Variants in LTBP1 observed in about 807,000 individuals in gnomAD.
The protein encoded by LTBP1 is latent transforming growth factor beta binding protein 1.
Under a neutral mutation model 207.6 loss-of-function variants are expected in LTBP1, and 129 were observed. The observed-to-expected ratio is 0.62, with a 90% confidence interval of 0.54 to 0.72. The LOEUF is 0.72. LTBP1 is among the 30% of genes least tolerant of loss of function. The pLI is 0.00. For missense variants in LTBP1, 2,281 were observed against 2,217.2 expected (o/e 1.03, Z -0.58); for synonymous variants, 963 against 833.7 (o/e 1.16, Z -2.67).
chr2:33,203,102 G>T (rs1039564586), intron 7 of LTBP1, among the ~76,000 whole-genome samples: 3 of 152,124 alleles, frequency 2.0e-5, no homozygotes, highest in Non-Finnish European at 2.9e-5. Context: ...GCTGCTCTCT[G>T]TAGCCATCCG....
At chr2:33,277,340 G>A (rs1039164698) in intron 18 of LTBP1, among the ~76,000 whole-genome samples, 1 of 152,138 alleles carries the variant, frequency 6.6e-6, no homozygotes, top group African/African-American at 2.4e-5. Context: ...AAGCACAGGT[G>A]TAAAGTGTCT....
intron 29 of LTBP1, among the ~76,000 whole-genome samples, 174 bp from the exon 30 acceptor site, chr2:33,364,042 C>T (rs960865492): frequency 1.6e-4 from 25 of 152,166 alleles, no homozygotes; most frequent in African/African-American, 5.6e-4. Flanking sequence ...TCAGTCAGAG[C>T]AGCTTACATT....
intron 9 of LTBP1, among the ~76,000 whole-genome samples, chr2:33,227,368 G>A (rs1363450636): frequency 6.6e-6 from 1 of 152,180 alleles, no homozygotes; most frequent in African/African-American, 2.4e-5. Flanking sequence ...GAATTATAAT[G>A]TATGTAGTAA....
chr2:33,362,710 A>T (rs1033456226), intron 28 of LTBP1, among the ~76,000 whole-genome samples: 1 of 152,228 alleles, frequency 6.6e-6, no homozygotes, highest in African/African-American at 2.4e-5. Context: ...TAGCTCTAAA[A>T]TGCTAGAACT....
chr2:33,232,184 G>A (rs1398284961), intron 9 of LTBP1, among the ~76,000 whole-genome samples: 1 of 152,150 alleles, frequency 6.6e-6, no homozygotes, highest in African/African-American at 2.4e-5. Flanking sequence ...CATTACCTAG[G>A]GGTTGGTGGA....
chr2:33,185,618 T>C (rs1409221540), intron 5 of LTBP1, among the ~76,000 whole-genome samples: 2 of 152,046 alleles, frequency 1.3e-5, no homozygotes, highest in African/African-American at 4.8e-5. Context: ...AATGTTAAGA[T>C]GGATCAGGCA....
In LTBP1 at chr2:33,043,357, T is replaced by A. The variant is rs147629298; in HGVS notation, c.863+22151T>A. Among the ~76,000 whole-genome samples the A allele has an allele frequency of 7.2e-5, 11 of 152,272 alleles. No homozygotes were observed. The East Asian group carries it at 2.1e-3, about 29-fold the overall frequency. The stretch of plus-strand genomic sequence containing the variant: ...ATTAAAAGAACCACCTCAGATAATA[T>A]GTTCCTGATTATGTAACTATAATTA... On this transcript the variant is annotated intron_variant, in intron 3 of 33. Transcript: ENST00000404816.
intron 24 of LTBP1, among the ~76,000 whole-genome samples, chr2:33,340,328 C>T (rs1276595890): frequency 1.3e-5 from 2 of 151,400 alleles, no homozygotes; most frequent in East Asian, 1.9e-4. Context: ...GGGGATTTAT[C>T]CCAAGGAGCA....
At chr2:33,175,829 A>G (rs2148551222) in intron 5 of LTBP1, among the ~76,000 whole-genome samples, 1 of 150,712 alleles carries the variant, frequency 6.6e-6, no homozygotes, top group Non-Finnish European at 1.5e-5. Context: ...CAGCCATAAA[A>G]AAATGATGAG....
intron 25 of LTBP1, among the ~76,000 whole-genome samples, chr2:33,346,217 T>A (rs759305430): frequency 6.6e-6 from 1 of 152,180 alleles, no homozygotes; most frequent in Non-Finnish European, 1.5e-5. Flanking sequence ...TCTATAGGAG[T>A]CTTTCCTTCA....
intron 3 of LTBP1, among the ~76,000 whole-genome samples, chr2:33,043,949 G>A (rs924614904): frequency 1.3e-5 from 2 of 152,012 alleles, no homozygotes; most frequent in African/African-American, 4.8e-5. Context: ...GGAGAAGGCA[G>A]GCTGTGCCCT....
intron 31 of LTBP1, among the ~76,000 whole-genome samples, chr2:33,378,027 G>C (rs1027281506): frequency 6.6e-6 from 1 of 152,116 alleles, no homozygotes; most frequent in Non-Finnish European, 1.5e-5. Context: ...ATATCAACAA[G>C]CAATCATATT....
intron 31 of LTBP1, among the ~76,000 whole-genome samples, chr2:33,382,481 C>A (rs550930427): frequency 6.6e-6 from 1 of 152,258 alleles, no homozygotes; most frequent in Admixed American, 6.5e-5. Flanking sequence ...GGTTAACCTC[C>A]TGGCTACAGA....
intron 2 of LTBP1, among the ~76,000 whole-genome samples, chr2:32,983,757 C>T (rs1683125926): frequency 6.6e-6 from 1 of 152,200 alleles, no homozygotes; most frequent in African/African-American, 2.4e-5. Context: ...CTTTGCTCCT[C>T]CTTTGCCCTC....
chr2:33,300,566 G>T lies in LTBP1; in HGVS notation c.3351G>T (p.Gln1117His). 1 of 1,613,088 alleles carries T rather than the reference G, an allele frequency of 6.2e-7. No homozygotes were observed. The highest frequency in any genetic ancestry group is 8.5e-7 in the Non-Finnish European group (1 of 1,179,356). ...ACCAGCTGTCGGCAGCTAAAGACCAGTGTGAAGGTAAGAGGGTAGTAACAT... is the reference window on the plus strand; with the variant it reads ...ACCAGCTGTCGGCAGCTAAAGACCATTGTGAAGGTAAGAGGGTAGTAACAT... ...QGYQLSAAKDQCEDIDECQHR... is the reference protein window; with the variant it reads ...QGYQLSAAKDHCEDIDECQHR... Residue 1117 changes from glutamine (Q) to histidine (H), a missense_variant, in exon 21 of 34, where the codon CAG (glutamine) becomes CAT (histidine). Around this residue, in one of 3 missense-constraint regions of LTBP1, gnomAD observed 1,671 missense variants for 1,634.8 expected, o/e 1.02. Transcript: ENST00000404816.
intron 4 of LTBP1, among the ~76,000 whole-genome samples, chr2:33,128,438 G>C (rs1406954458): frequency 1.3e-5 from 2 of 152,228 alleles, no homozygotes; most frequent in African/African-American, 4.8e-5. Flanking sequence ...ACAGAGAGCA[G>C]TGAAGTCAGT....
intron 3 of LTBP1, among the ~76,000 whole-genome samples, chr2:33,044,449 C>A (rs895172868): frequency 6.6e-6 from 1 of 152,142 alleles, no homozygotes; most frequent in African/African-American, 2.4e-5. Flanking sequence ...TGAACTCATC[C>A]TTTTTTATGG....
chr2:32,966,144 T>G (rs1051844142), intron 2 of LTBP1, among the ~76,000 whole-genome samples: 5 of 152,184 alleles, frequency 3.3e-5, no homozygotes, highest in Admixed American at 6.5e-5. Context: ...TGGTAAGGTA[T>G]TTGTTCAGGT....
intron 9 of LTBP1, among the ~76,000 whole-genome samples, chr2:33,241,579 T>A (rs1167555891): frequency 6.6e-6 from 1 of 152,204 alleles, no homozygotes; most frequent in African/African-American, 2.4e-5. Flanking sequence ...GGGAAAATTC[T>A]GGGTCCTCAA....
Sources: gnomAD v4.1 joint callset for allele counts (sites outside exome capture counted in the v4.1 genomes callset) on GRCh38, gnomAD v4.1.1 for gene constraint, gnomAD v4.1.1 regional missense constraint, MANE v1.5 for transcripts, NCBI Gene and HGNC (gene_info 2026-07-23, HGNC 2026-07-21) for gene names.